The following MTMR8 variants were observed in gnomAD, a reference collection of about 807,000 sequenced individuals.
MTMR8 encodes phosphatidylinositol-3,5-bisphosphate 3-phosphatase MTMR8.
Under a neutral mutation model 39.3 loss-of-function variants are expected in MTMR8, and 65 were observed. That is an observed-to-expected ratio of 1.65 (90% CI 1.35 to 2.03). The LOEUF is 2.03. MTMR8 is among the 30% of genes most tolerant of loss of function. MTMR8 has a pLI of 0.00. For missense variants in MTMR8, 777 were observed against 538.9 expected, an observed-to-expected ratio of 1.44 and a Z score of -4.37; for synonymous variants, 245 against 185.2, an observed-to-expected ratio of 1.32 and a Z score of -2.62.
chrX:64,279,773 C>T (rs1931962658), intron 12 of MTMR8, among the ~76,000 whole-genome samples: 1 of 111,792 alleles, frequency 8.9e-6, no homozygotes, highest in South Asian at 3.8e-4. Context: ...ATTGTACTGG[C>T]ATGAATACAC....
At chrX:64,380,375 C>T (rs1323907838) in intron 1 of MTMR8, among the ~76,000 whole-genome samples, 1 of 112,698 alleles carries the variant, frequency 8.9e-6, no homozygotes, top group East Asian at 2.8e-4. Flanking sequence ...GTGGTACTAC[C>T]TGGGCTATAT....
chrX:64,270,508 C>A (rs1257444950), intron 13 of MTMR8, among the ~76,000 whole-genome samples: 1 of 112,417 alleles, frequency 8.9e-6, no homozygotes, highest in East Asian at 2.8e-4. Context: ...AACATGGTCA[C>A]TCAATAAGCA....
Position 64,271,065 on chromosome X carries a change from C to G in MTMR8, c.1490G>C (p.Cys497Ser). The change falls in exon 13 of 14, where the codon TGT becomes TCT. Residue 497 changes from cysteine (C) to serine (S), a missense_variant. Cys to Ser is a moderately radical substitution (Grantham distance 112). Coordinates refer to ENST00000374852, the MANE Select transcript of MTMR8 (RefSeq NM_017677.4). Reference sequence around the variant, plus strand: ...TTTGTCAAAGCGGTTATACATCCCACACCAGAACCTCAAATAGACAAAAAT... The same window carrying G: ...TTTGTCAAAGCGGTTATACATCCCAGACCAGAACCTCAAATAGACAAAAAT... The part of the protein sequence containing the change: ...STVPYNIQFW[C>S]GMYNRFDKGL... 8.4e-7 allele frequency: 1 copy of G among 1,194,956 alleles called. No homozygotes were observed. The highest frequency in any genetic ancestry group is 1.1e-6 in the Non-Finnish European group (1 of 888,554).
chrX:64,320,331 C>T lies in MTMR8; in HGVS notation c.1481+8441G>A, dbSNP rs192736404. Among the ~76,000 whole-genome samples the T allele has an allele frequency of 3.6e-5, 4 of 110,966 alleles. No homozygotes were observed. The East Asian group carries it at 8.6e-4, about 24-fold the overall frequency. Reference sequence around the variant, plus strand: ...ATGCTGACTTCCCTCTCTGCCATCCCCTATTCCCCAGCTTAGTGGCGGCCT... The same window carrying T: ...ATGCTGACTTCCCTCTCTGCCATCCTCTATTCCCCAGCTTAGTGGCGGCCT... On this transcript the variant is annotated intron_variant, in intron 12 of 13. Coordinates refer to ENST00000374852, the MANE Select transcript of MTMR8 (RefSeq NM_017677.4).
intron 12 of MTMR8, among the ~76,000 whole-genome samples, chrX:64,277,771 G>A (rs1019621397): frequency 9.0e-6 from 1 of 110,753 alleles, no homozygotes; most frequent in East Asian, 2.9e-4. Context: ...TTTGAATGTC[G>A]GTCTGTCTTG....
In MTMR8 at chrX:64,395,398, T is replaced by A; in HGVS notation, c.-35A>T. 1 of 1,201,455 alleles carries A rather than the reference T, an allele frequency of 8.3e-7. No homozygotes were observed. On this transcript the variant is annotated 5_prime_UTR_variant, in exon 1 of 14. Coordinates refer to ENST00000374852, the MANE Select transcript of MTMR8 (RefSeq NM_017677.4). ...TCCCGCCACCGGAAGATCTCAGTGC[T>A]ACTCCAGATGCCGCCGCCACCGGTC...
chrX:64,271,865 A>G (rs894521465), intron 12 of MTMR8, among the ~76,000 whole-genome samples: 1 of 112,190 alleles, frequency 8.9e-6, no homozygotes, highest in Non-Finnish European at 1.9e-5. Context: ...GGGTAGGGGG[A>G]AAATCCCAGT....
chrX:64,298,640 C>T (rs1170771514), intron 12 of MTMR8, among the ~76,000 whole-genome samples: 110 of 95,655 alleles, frequency 1.1e-3, no homozygotes, highest in African/African-American at 6.4e-3. Flanking sequence ...TGAGAGAGGG[C>T]ATCCCTGTCT....
chrX:64,278,460 GTTTTTTTTTTTTTTT>G (rs56132040), intron 12 of MTMR8, among the ~76,000 whole-genome samples: 3 of 24,685 alleles, frequency 1.2e-4, no homozygotes, highest in Non-Finnish European at 1.6e-4. Context: ...TATTTTGCTG[GTTTTTTTTTTTTTTT>G]TTTTTTTTTT....
intron 12 of MTMR8, among the ~76,000 whole-genome samples, chrX:64,303,215 G>A (rs1224957807): frequency 3.6e-5 from 4 of 111,909 alleles, no homozygotes; most frequent in African/African-American, 1.3e-4. Flanking sequence ...GTATCTGATT[G>A]AGCATTTGCA....
intron 7 of MTMR8, among the ~76,000 whole-genome samples, chrX:64,344,174 G>A (rs1602139807): frequency 9.0e-6 from 1 of 111,319 alleles, no homozygotes; most frequent in South Asian, 3.8e-4. Context: ...TATGCACTTT[G>A]CAATAATTAT....
chrX:64,359,550 T>C (rs377310203), intron 1 of MTMR8, 23 bp from the exon 2 acceptor site: 1 of 1,184,422 alleles, frequency 8.4e-7, no homozygotes, highest in African/African-American at 1.8e-5. Context: ...GAAAAAATAC[T>C]GAATAAGTTA....
chrX:64,300,102 G>C (rs1393428106), intron 12 of MTMR8, among the ~76,000 whole-genome samples: 1 of 101,685 alleles, frequency 9.8e-6, no homozygotes, highest in East Asian at 3.1e-4. Flanking sequence ...AGGTCTGCTT[G>C]GTGCAGAGCT....
At chrX:64,310,255 C>A (rs1027970700) in intron 12 of MTMR8, among the ~76,000 whole-genome samples, 2 of 111,867 alleles carry the variant, frequency 1.8e-5, no homozygotes, top group African/African-American at 6.5e-5. Context: ...AAATCACTTT[C>A]TTTGCTCATC....
At chrX:64,294,452 T>C (rs1921499381) in intron 12 of MTMR8, among the ~76,000 whole-genome samples, 1 of 111,704 alleles carries the variant, frequency 9.0e-6, no homozygotes, top group South Asian at 3.8e-4. Flanking sequence ...AATTCAGCTT[T>C]GGCATTATAT....
chrX:64,363,049 G>T (rs1484879209), intron 1 of MTMR8, among the ~76,000 whole-genome samples: 1 of 111,632 alleles, frequency 9.0e-6, no homozygotes, highest in African/African-American at 3.3e-5. Context: ...TACAAGATTT[G>T]CAAAAACTAG....
At chrX:64,299,135 AAT>A (rs1466193953) in intron 12 of MTMR8, among the ~76,000 whole-genome samples, 5 of 82,343 alleles carry the variant, frequency 6.1e-5, no homozygotes, top group African/African-American at 2.5e-4. Context: ...TATTGATTGG[AAT>A]AGTTTCAGAA....
intron 12 of MTMR8, among the ~76,000 whole-genome samples, chrX:64,282,296 A>C (rs1431862768): frequency 9.0e-6 from 1 of 111,235 alleles, no homozygotes; most frequent in Non-Finnish European, 1.9e-5. Context: ...CAGTATTCAC[A>C]ATAGCTAAGA....
intron 12 of MTMR8, among the ~76,000 whole-genome samples, chrX:64,324,448 C>A (rs1243448008): frequency 9.0e-6 from 1 of 110,931 alleles, no homozygotes; most frequent in African/African-American, 3.3e-5. Flanking sequence ...CTTTGGGAGG[C>A]CAAGAGGGAG....
Sources: allele counts gnomAD v4.1 joint callset (sites outside exome capture counted in the v4.1 genomes callset), GRCh38; gene constraint gnomAD v4.1.1; transcripts MANE v1.5; gene names NCBI Gene and HGNC (gene_info 2026-07-23, HGNC 2026-07-21).